Variants in NOCT observed in about 807,000 individuals in gnomAD.
NOCT encodes CCR4 carbon catabolite repression 4-like.
A neutral mutation model predicts 35.0 loss-of-function variants in NOCT; 18 were observed. That is an observed-to-expected ratio of 0.51 (90% CI 0.36 to 0.76). NOCT has a LOEUF of 0.76. NOCT is among the 30% of genes least tolerant of loss of function. The pLI is 0.01. For missense variants in NOCT, 479 were observed against 541.0 expected, an observed-to-expected ratio of 0.89 and a Z score of 1.14; for synonymous variants, 235 against 226.3, an observed-to-expected ratio of 1.04 and a Z score of -0.34.
intron 2 of NOCT, chr4:139,044,001 T>TATATATATATATATATATAC (rs1006546641): frequency 6.7e-6 from 1 of 148,380 alleles, no homozygotes; most frequent in African/African-American, 2.5e-5. Context: ...TATATATATA[T>TATATATATATATATATATAC]ATACACTTTG....
intron 2 of NOCT, chr4:139,044,003 T>TATATATATATATATATATATATAC (rs1405359118): frequency 4.3e-4 from 63 of 147,022 alleles, no homozygotes; most frequent in African/African-American, 1.4e-3. Context: ...TATATATATA[T>TATATATATATATATATATATATAC]ACACTTTGTT....
At chr4:139,022,330 A>G (rs1199733267) in intron 1 of NOCT, among the ~76,000 whole-genome samples, 1 of 152,208 alleles carries the variant, frequency 6.6e-6, no homozygotes, top group East Asian at 1.9e-4. Context: ...TGAATCATAT[A>G]TTAATACTTA....
intron 1 of NOCT, among the ~76,000 whole-genome samples, chr4:139,036,520 T>G (rs1040777608): frequency 2.6e-5 from 4 of 152,216 alleles, no homozygotes; most frequent in African/African-American, 7.2e-5. Flanking sequence ...GAGCTTCATA[T>G]CTAAATCCTA....
At position 139,016,641 on chromosome 4, in the gene NOCT, G is replaced by GTTTTT. The variant is rs10541748; in HGVS notation, c.190+496_190+500dup. ...ATAACACATTGATTCGTTTTACGTT[G>GTTTTT]TTTTTTTTTTTTTTTTTTTTTTTTT... On this transcript the variant is annotated intron_variant, in intron 1 of 2. Coordinates refer to ENST00000280614, the MANE Select transcript of NOCT (RefSeq NM_012118.4). 2.0e-3 allele frequency among the ~76,000 whole-genome samples: 110 copies of GTTTTT among 53,806 alleles called. 27 individuals are homozygous for GTTTTT. Among genetic ancestry groups the GTTTTT allele is most frequent in the African/African-American group, 4.0e-3 (53 of 13,092 alleles). 35.3% of individuals were successfully genotyped at this position (53,806 alleles called of 152,430 possible). A position where few individuals can be genotyped will look rare whatever the true frequency, so the allele number is the denominator to read the frequency against.
At chr4:139,038,681 T>C (rs1366864554) in intron 1 of NOCT, among the ~76,000 whole-genome samples, 1 of 152,204 alleles carries the variant, frequency 6.6e-6, no homozygotes, top group Admixed American at 6.5e-5. Flanking sequence ...ATGAAACTTA[T>C]GAAAAAAGTT....
chr4:139,031,131 G>A (rs1726615626), intron 1 of NOCT, among the ~76,000 whole-genome samples: 1 of 151,928 alleles, frequency 6.6e-6, no homozygotes, highest in Non-Finnish European at 1.5e-5. Flanking sequence ...TGTGGAGAGT[G>A]GTCGGCCCTG....
At chr4:139,044,590 A>T (rs756290094) in intron 2 of NOCT, 49 bp from the exon 3 acceptor site, 1 of 1,222,880 alleles carries the variant, frequency 8.2e-7, no homozygotes, top group Non-Finnish European at 1.2e-6. Flanking sequence ...GGGTACTTTG[A>T]AGTCACGGTT....
At chr4:139,021,590 G>C (rs1726414919) in intron 1 of NOCT, among the ~76,000 whole-genome samples, 1 of 152,084 alleles carries the variant, frequency 6.6e-6, no homozygotes, top group Admixed American at 6.6e-5. Flanking sequence ...GGTTGTAATG[G>C]GAGTGTATCC....
chr4:139,032,651 C>G lies in NOCT; in HGVS notation c.191-10423C>G, dbSNP rs527652122. 5.3e-5 allele frequency among the ~76,000 whole-genome samples: 8 copies of G among 152,264 alleles called. No individual in the cohort carries two copies. The East Asian group carries it at 1.4e-3, about 26-fold the overall frequency. ...AATTTGAGTGCCAAATAGAGTTCAGCAGAGGTTTTGTCAAGATTTGGTACT... is the reference window on the plus strand; with the variant it reads ...AATTTGAGTGCCAAATAGAGTTCAGGAGAGGTTTTGTCAAGATTTGGTACT... On this transcript the variant is annotated intron_variant, in intron 1 of 2. Coordinates refer to ENST00000280614, the MANE Select transcript of NOCT (RefSeq NM_012118.4).
At chr4:139,042,321 A>G (rs926575527) in intron 1 of NOCT, among the ~76,000 whole-genome samples, 2 of 152,074 alleles carry the variant, frequency 1.3e-5, no homozygotes, top group African/African-American at 4.8e-5. Flanking sequence ...CACCTGCCTC[A>G]GCCTCCCAAA....
intron 1 of NOCT, among the ~76,000 whole-genome samples, chr4:139,042,781 G>A (rs1356968745): frequency 2.0e-5 from 3 of 152,184 alleles, no homozygotes; most frequent in Non-Finnish European, 4.4e-5. Flanking sequence ...AGCGGGTAGA[G>A]GTGCATGCCT....
At position 139,045,422 on chromosome 4, in the gene NOCT, T is replaced by A. The variant is rs773135002; in HGVS notation, c.1244T>A (p.Leu415Gln). The change falls in exon 3 of 3, where the codon CTG (leucine) becomes CAG (glutamine). Residue 415 changes from leucine to glutamine, a missense_variant. Leu to Gln is a moderately radical substitution (Grantham distance 113). Around this residue, in one of 2 missense-constraint regions of NOCT, gnomAD observed 214 missense variants for 284.0 expected, o/e 0.75. Transcript: ENST00000280614. Reference sequence around the variant, plus strand: ...TCCTTCAATTATCCTTCAGACCACCTGTCTCTAGTGTGTGACTTCAGCTTT... The same window carrying A: ...TCCTTCAATTATCCTTCAGACCACCAGTCTCTAGTGTGTGACTTCAGCTTT... ...LPSFNYPSDH[L>Q]SLVCDFSFTE... 1 of 1,612,762 alleles carries A rather than the reference T, an allele frequency of 6.2e-7. No homozygotes were observed. Among genetic ancestry groups the A allele is most frequent in the Non-Finnish European group, 8.5e-7 (1 of 1,178,980 alleles).
At chr4:139,041,467 C>T (rs1190055084) in intron 1 of NOCT, among the ~76,000 whole-genome samples, 1 of 152,246 alleles carries the variant, frequency 6.6e-6, no homozygotes, top group East Asian at 1.9e-4. Flanking sequence ...GGATGTTACT[C>T]CCAGTAAAAT....
rs1578635433 is a variant in NOCT, at chr4:139,045,064, T to C, written c.886T>C (p.Phe296Leu). The part of the protein sequence containing the change: ...HLKARTGWER[F>L]RSAQGCDLLQ... Reference sequence around the variant, plus strand: ...AAAAGCACGCACTGGCTGGGAGCGGTTTCGATCAGCTCAAGGCTGTGACCT... The same window carrying C: ...AAAAGCACGCACTGGCTGGGAGCGGCTTCGATCAGCTCAAGGCTGTGACCT... Residue 296 changes from phenylalanine to leucine, a missense_variant, in exon 3 of 3, where the codon TTT (phenylalanine) becomes CTT (leucine). Physicochemically the swap from Phe to Leu is conservative, Grantham distance 22. Transcript: ENST00000280614. 2 of 1,614,032 alleles carry C rather than the reference T, an allele frequency of 1.2e-6. No homozygotes were observed. The highest frequency in any genetic ancestry group is 1.1e-5 in the South Asian group (1 of 91,086).
intron 1 of NOCT, among the ~76,000 whole-genome samples, chr4:139,040,606 A>G (rs757938753): frequency 6.6e-6 from 1 of 152,078 alleles, no homozygotes; most frequent in Non-Finnish European, 1.5e-5. Context: ...TCATATAACC[A>G]CCCTAAAACT....
intron 1 of NOCT, among the ~76,000 whole-genome samples, chr4:139,029,507 A>T (rs1726586870): frequency 6.6e-6 from 1 of 152,246 alleles, no homozygotes; most frequent in South Asian, 2.1e-4. Flanking sequence ...TGTCATATTC[A>T]GTCAGTGGCA....
intron 1 of NOCT, among the ~76,000 whole-genome samples, chr4:139,020,003 T>C (rs1726379488): frequency 6.6e-6 from 1 of 152,246 alleles, no homozygotes; most frequent in Non-Finnish European, 1.5e-5. Flanking sequence ...CCTTTAACTA[T>C]GTGAGTAAAC....
At chr4:139,030,681 G>A (rs568369132) in intron 1 of NOCT, among the ~76,000 whole-genome samples, 1 of 152,330 alleles carries the variant, frequency 6.6e-6, no homozygotes, top group Admixed American at 6.5e-5. Context: ...GCTGCTTTAT[G>A]TTGGTGGTTA....
At chr4:139,022,575 C>T (rs1161229722) in intron 1 of NOCT, among the ~76,000 whole-genome samples, 2 of 152,180 alleles carry the variant, frequency 1.3e-5, no homozygotes, top group African/African-American at 4.8e-5. Context: ...ATTGACAACA[C>T]AGGCGGACAC....
Sources: allele counts gnomAD v4.1 joint callset (sites outside exome capture counted in the v4.1 genomes callset), GRCh38; gene constraint gnomAD v4.1.1; regional missense constraint gnomAD v4.1.1; transcripts MANE v1.5; gene names NCBI Gene and HGNC (gene_info 2026-07-23, HGNC 2026-07-21).